The following FBXO47 variants were observed in gnomAD, a reference collection of about 807,000 sequenced individuals.
The protein encoded by FBXO47 is F-box protein 47.
FBXO47 carries 34 observed loss-of-function variants against 53.9 expected under a neutral mutation model. That is an observed-to-expected ratio of 0.63 (90% confidence interval 0.48 to 0.84). The LOEUF (loss-of-function observed/expected upper bound fraction) is 0.84, where lower values mean the gene tolerates loss of function less well. FBXO47 is among the 40% of genes least tolerant of loss of function. The pLI is 0.00. For missense variants in FBXO47, 485 were observed against 541.3 expected (o/e 0.90, Z 1.03); for synonymous variants, 165 against 181.6 (o/e 0.91, Z 0.73).
At chr17:38,966,464 T>G (rs573280540) in intron 1 of FBXO47, among the ~76,000 whole-genome samples, 1 of 152,276 alleles carries the variant, frequency 6.6e-6, no homozygotes, top group East Asian at 1.9e-4. Context: ...CCTCCCAAAG[T>G]GCTGGGATTT....
At chr17:38,949,404 A>G (rs1905096264) in intron 6 of FBXO47, among the ~76,000 whole-genome samples, 1 of 151,788 alleles carries the variant, frequency 6.6e-6, no homozygotes, top group Non-Finnish European at 1.5e-5. Flanking sequence ...TGGGTGATAG[A>G]GCCAGACCCT....
In FBXO47 at chr17:38,948,207, A is replaced by ATT. The variant is rs869282186; in HGVS notation, c.617-3073_617-3072dup. On this transcript the variant is annotated intron_variant, in intron 6 of 10. Coordinates refer to ENST00000378079, the MANE Select transcript of FBXO47 (RefSeq NM_001008777.3). ...ATCTCCATGGATTTCCCTATTCTGG[A>ATT]TTTTTTTTTTTTTTTTTTTTTTTTG... Among the ~76,000 whole-genome samples the ATT allele has an allele frequency of 6.9e-3, 612 of 89,246 alleles. 2 individuals carry two copies. The highest frequency in any genetic ancestry group is 8.7e-3 in the Non-Finnish European group (407 of 46,900). 58.5% of individuals were successfully genotyped at this position (89,246 alleles called of 152,430 possible).
chr17:38,954,120 C>T (rs1391136714), intron 5 of FBXO47, among the ~76,000 whole-genome samples: 1 of 152,018 alleles, frequency 6.6e-6, no homozygotes, highest in East Asian at 1.9e-4. Flanking sequence ...TGGTGAAACC[C>T]TGTCTCTACT....
chr17:38,955,161 G>C (rs1303401074), intron 4 of FBXO47, among the ~76,000 whole-genome samples: 1 of 152,132 alleles, frequency 6.6e-6, no homozygotes, highest in Non-Finnish European at 1.5e-5. Flanking sequence ...GCCGAGGTGG[G>C]CAGATCACGA....
At chr17:38,947,054 A>T (rs1004666742) in intron 6 of FBXO47, among the ~76,000 whole-genome samples, 4 of 131,590 alleles carry the variant, frequency 3.0e-5, no homozygotes, top group Non-Finnish European at 4.6e-5. Context: ...ATATAAAAAC[A>T]TATATAAATA....
chr17:38,966,005 T>C (rs922267691), intron 1 of FBXO47, among the ~76,000 whole-genome samples: 3 of 152,048 alleles, frequency 2.0e-5, no homozygotes, highest in Middle Eastern at 3.2e-3. Flanking sequence ...TACATACATA[T>C]ATTTCTTTTT....
At chr17:38,966,451 C>T (rs1229096467) in intron 1 of FBXO47, among the ~76,000 whole-genome samples, 3 of 152,202 alleles carry the variant, frequency 2.0e-5, no homozygotes, top group African/African-American at 7.2e-5. Context: ...CCGCCTGCCC[C>T]GGCCTCCCAA....
At chr17:38,966,422 G>T (rs1906132907) in intron 1 of FBXO47, among the ~76,000 whole-genome samples, 1 of 152,122 alleles carries the variant, frequency 6.6e-6, no homozygotes, top group South Asian at 2.1e-4. Context: ...GCCTGGTCTC[G>T]ATTTCCTGAC....
rs1567717690 is a variant in FBXO47, at chr17:38,947,073, C to CAGATATAA, written c.617-1938_617-1937insTTATATCT. ...AAAAACATATATAAATATATATAAA[C>CAGATATAA]ATATATAAACATATATATAAACATA... is the stretch of plus-strand genomic sequence containing the variant. On this transcript the variant is annotated intron_variant, in intron 6 of 10. Coordinates refer to ENST00000378079, the MANE Select transcript of FBXO47 (RefSeq NM_001008777.3). Among the ~76,000 whole-genome samples, 40 of 121,862 alleles carry CAGATATAA rather than the reference C, an allele frequency of 3.3e-4. No individual in the cohort carries two copies. In the East Asian group the frequency reaches 6.6e-3, roughly 20 times the overall value. The allele number at this position is 121,862 out of a possible 152,430, so 79.9% of individuals were successfully genotyped here. A position where few individuals can be genotyped will look rare whatever the true frequency, so the allele number is the denominator to read the frequency against.
rs539313214 is a variant in FBXO47 at position 38,957,121 on chromosome 17, T to A, written c.429+56A>T. On this transcript the variant is annotated intron_variant, in intron 4 of 10. Coordinates refer to ENST00000378079, the MANE Select transcript of FBXO47 (RefSeq NM_001008777.3). ...GAGTAAAATGAGCATAAGATAATAA[T>A]AAAATATCTTTACTGGAAATCAAGA... 2.6e-5 allele frequency: 30 copies of A among 1,156,352 alleles called. No homozygotes were observed. The East Asian group carries it at 4.9e-4, about 19-fold the overall frequency. The allele number at this position is 1,156,352 out of a possible 1,614,324, so 71.6% of individuals were successfully genotyped here.
At chr17:38,958,440 GTA>G (rs1293140354) in intron 3 of FBXO47, among the ~76,000 whole-genome samples, 8 of 147,846 alleles carry the variant, frequency 5.4e-5, no homozygotes, top group African/African-American at 1.2e-4. Context: ...TGTTAAGAAT[GTA>G]TAAGATTTTG....
At chr17:38,965,418 C>T (rs1346968383) in intron 1 of FBXO47, among the ~76,000 whole-genome samples, 4 of 152,156 alleles carry the variant, frequency 2.6e-5, no homozygotes, top group East Asian at 1.9e-4. Context: ...TACATATCAA[C>T]TTACATCAAT....
chr17:38,948,287 A>G (rs1164159927), intron 6 of FBXO47, among the ~76,000 whole-genome samples: 1 of 132,082 alleles, frequency 7.6e-6, no homozygotes, highest in African/African-American at 2.9e-5. Flanking sequence ...ATCTCGGCTC[A>G]TTGCAACCTC....
At chr17:38,945,947 AAATATATAT>A (rs1567716065) in intron 6 of FBXO47, among the ~76,000 whole-genome samples, 2 of 131,170 alleles carry the variant, frequency 1.5e-5, no homozygotes, top group African/African-American at 5.7e-5. Context: ...AAAAAAAAAA[AAATATATAT>A]ATATATATAA....
In FBXO47 at chr17:38,937,246, G is replaced by T; in HGVS notation, c.1288C>A (p.Leu430Ile). 1 of 1,610,660 alleles carries T rather than the reference G, an allele frequency of 6.2e-7. No homozygotes were observed. The highest frequency in any genetic ancestry group is 8.5e-7 in the Non-Finnish European group (1 of 1,177,484). The change falls in exon 11 of 11, where the codon CTT becomes ATT. Residue 430 changes from leucine (L) to isoleucine (I), a missense_variant. Physicochemically the swap from Leu to Ile is conservative, Grantham distance 5. Transcript: ENST00000378079. ...DDRSFLNLFH[L>I]VHAQANFHKE... ...TGGAAGTTAGCCTGAGCATGTACAA[G>T]ATGGAACAAATTCAAAAAGCTTCTG...
At chr17:38,940,312 T>A (rs1904450621) in intron 9 of FBXO47, among the ~76,000 whole-genome samples, 1 of 151,964 alleles carries the variant, frequency 6.6e-6, no homozygotes, top group Non-Finnish European at 1.5e-5. Context: ...CAGAGAAGGC[T>A]TTCTAGAGAA....
chr17:38,962,634 A>ATAATAG (rs1905868625), intron 2 of FBXO47, among the ~76,000 whole-genome samples: 1 of 148,202 alleles, frequency 6.7e-6, no homozygotes, highest in African/African-American at 2.5e-5. Context: ...AATAATAATA[A>ATAATAG]TAATAGTAAT....
chr17:38,956,951 G>A (rs979602207), intron 4 of FBXO47, among the ~76,000 whole-genome samples: 4 of 152,108 alleles, frequency 2.6e-5, no homozygotes, highest in South Asian at 2.1e-4. Context: ...CTTGAATGAT[G>A]TGCTTAGTTA....
intron 10 of FBXO47, among the ~76,000 whole-genome samples, chr17:38,938,083 T>C (rs1915625884): frequency 2.0e-5 from 3 of 152,354 alleles, no homozygotes; most frequent in South Asian, 4.1e-4. Context: ...AAGAAAAGGA[T>C]GCTCATCCAT....
Sources: gnomAD v4.1 joint callset for allele counts (sites outside exome capture counted in the v4.1 genomes callset) on GRCh38, gnomAD v4.1.1 for gene constraint, MANE v1.5 for transcripts, NCBI Gene and HGNC (gene_info 2026-07-23, HGNC 2026-07-21) for gene names.